NRXN3: variants seen among roughly 807,000 people sequenced by gnomAD.
NRXN3 encodes the protein neurexin III.
NRXN3 carries 32 observed loss-of-function variants against 137.6 expected under a neutral mutation model. The ratio of observed to expected loss-of-function variants is 0.23; its 90% CI spans 0.18 to 0.31. NRXN3 has a LOEUF of 0.31. Among genes scored for constraint, NRXN3 ranks in the 10% least tolerant of loss-of-function variants. The pLI, the probability that NRXN3 is intolerant of heterozygous loss-of-function variation, is 1.00. For missense variants in NRXN3, 1,574 were observed against 2,062.5 expected (o/e 0.76, Z 4.59); for synonymous variants, 798 against 784.5 (o/e 1.02, Z -0.29).
intron 19 of NRXN3, among the ~76,000 whole-genome samples, chr14:79,733,678 T>TG (rs35627020): frequency 0.31 from 46,311 of 147,700 alleles, 7,628 homozygotes; most frequent in Middle Eastern, 0.43. Context: ...GTTGTTGTTT[T>TG]TTTTTTTTTT....
At chr14:78,363,227 A>T (rs2153608027) in intron 4 of NRXN3, among the ~76,000 whole-genome samples, 1 of 151,868 alleles carries the variant, frequency 6.6e-6, no homozygotes, top group South Asian at 2.1e-4. Context: ...GTGAGCATCC[A>T]CTCTGCATGG....
chr14:78,556,457 T>G (rs1461716414), intron 4 of NRXN3, among the ~76,000 whole-genome samples: 8 of 152,242 alleles, frequency 5.3e-5, no homozygotes, highest in South Asian at 2.1e-4. Flanking sequence ...CTGGAGCTTC[T>G]TAAACTAGCC....
intron 15 of NRXN3, among the ~76,000 whole-genome samples, chr14:79,283,077 C>G (rs1251482039): frequency 6.6e-6 from 1 of 152,090 alleles, no homozygotes; most frequent in Non-Finnish European, 1.5e-5. Flanking sequence ...TTTCCTAGTC[C>G]AAGACAAAGA....
intron 15 of NRXN3, among the ~76,000 whole-genome samples, chr14:79,057,711 G>C (rs1387783560): frequency 3.3e-5 from 5 of 152,188 alleles, no homozygotes; most frequent in African/African-American, 1.2e-4. Context: ...TGACCTCTGA[G>C]AGGGCACTCT....
chr14:79,726,312 G>T (rs927460915), intron 19 of NRXN3, among the ~76,000 whole-genome samples: 5 of 152,144 alleles, frequency 3.3e-5, no homozygotes, highest in African/African-American at 1.2e-4. Context: ...AAGTATTAGT[G>T]TTGTTTCTCT....
chr14:79,250,453 C>G (rs1314615879), intron 15 of NRXN3, among the ~76,000 whole-genome samples: 1 of 152,180 alleles, frequency 6.6e-6, no homozygotes, highest in Non-Finnish European at 1.5e-5. Context: ...TTTATTGAGT[C>G]TCTATGATAT....
rs201631742 is a variant in NRXN3 at position 78,677,427 on chromosome 14, GA to G, written c.1221+26112del. On this transcript the variant is annotated intron_variant, in intron 6 of 20. Transcript: ENST00000335750. ...GTAACTGCAGATGTGGTGAAAATAG[GA>G]AAAAAAAAAACCCTGGAAGGAGAGC... is the stretch of plus-strand genomic sequence containing the variant. 1.5e-3 allele frequency among the ~76,000 whole-genome samples: 219 copies of G among 144,212 alleles called. 1 individual carries two copies. Among genetic ancestry groups the G allele is most frequent in the South Asian group, 6.4e-3 (29 of 4,552 alleles). The allele number at this position is 144,212 out of a possible 152,430, so 94.6% of individuals were successfully genotyped here. A position where few individuals can be genotyped will look rare whatever the true frequency, so the allele number is the denominator to read the frequency against.
intron 8 of NRXN3, among the ~76,000 whole-genome samples, chr14:78,725,822 A>G (rs1036103920): frequency 1.1e-4 from 16 of 152,230 alleles, no homozygotes; most frequent in African/African-American, 3.9e-4. Flanking sequence ...TGTAGAGTCT[A>G]TAGGAATATG....
chr14:79,729,739 G>A (rs2098914837), intron 19 of NRXN3, among the ~76,000 whole-genome samples: 1 of 152,136 alleles, frequency 6.6e-6, no homozygotes, highest in Admixed American at 6.6e-5. Context: ...GCACAGTGAT[G>A]GGCTCTGTGC....
At chr14:79,470,647 G>T (rs2096487815) in intron 16 of NRXN3, among the ~76,000 whole-genome samples, 1 of 152,054 alleles carries the variant, frequency 6.6e-6, no homozygotes, top group Admixed American at 6.6e-5. Context: ...TATATTCCAG[G>T]GATAAGGGAA....
At chr14:79,534,521 A>T (rs1601756409) in intron 16 of NRXN3, among the ~76,000 whole-genome samples, 1 of 152,336 alleles carries the variant, frequency 6.6e-6, no homozygotes, top group East Asian at 1.9e-4. Context: ...TAACACAAAG[A>T]TCAGAAATTT....
At chr14:79,036,590 T>C (rs2099616329) in intron 15 of NRXN3, among the ~76,000 whole-genome samples, 1 of 135,952 alleles carries the variant, frequency 7.4e-6, no homozygotes, top group Admixed American at 9.1e-5. Context: ...GTTTTCGTTT[T>C]GGGTTTTTTT....
chr14:78,174,605 G>A (rs993020238), intron 1 of NRXN3, among the ~76,000 whole-genome samples: 1 of 152,184 alleles, frequency 6.6e-6, no homozygotes, highest in African/African-American at 2.4e-5. Context: ...TCAAGCAGGA[G>A]GCTGCCTGCC....
intron 15 of NRXN3, among the ~76,000 whole-genome samples, chr14:79,395,241 G>A (rs923470096): frequency 1.4e-4 from 21 of 152,096 alleles, no homozygotes; most frequent in Non-Finnish European, 2.9e-5. Context: ...CATCTGGGTG[G>A]CAAAAGAAGT....
At chr14:78,622,520 C>T (rs918151953) in intron 4 of NRXN3, among the ~76,000 whole-genome samples, 2 of 152,202 alleles carry the variant, frequency 1.3e-5, no homozygotes, top group Non-Finnish European at 2.9e-5. Flanking sequence ...CTTCTCTCTT[C>T]TTCTGGTCCC....
intron 6 of NRXN3, among the ~76,000 whole-genome samples, chr14:78,665,733 T>A (rs961663845): frequency 4.6e-5 from 7 of 152,164 alleles, no homozygotes; most frequent in Admixed American, 1.3e-4. Context: ...AAAAAGGACC[T>A]AAAGCAAGGA....
At chr14:79,223,238 G>C (rs545216072) in intron 15 of NRXN3, among the ~76,000 whole-genome samples, 4,180 of 152,142 alleles carry the variant, frequency 0.027, 140 homozygotes, top group South Asian at 0.085. Flanking sequence ...AGAAGGACAG[G>C]CAGAAGCCAA....
intron 4 of NRXN3, among the ~76,000 whole-genome samples, chr14:78,308,202 C>A (rs958445757): frequency 2.0e-5 from 3 of 151,976 alleles, no homozygotes; most frequent in African/African-American, 7.2e-5. Flanking sequence ...ATGGAGCAGC[C>A]AATGCAGGGA....
chr14:78,891,460 G>C (rs542581713), intron 10 of NRXN3, among the ~76,000 whole-genome samples: 1 of 151,856 alleles, frequency 6.6e-6, no homozygotes, highest in South Asian at 2.1e-4. Context: ...TTAGGTGTGA[G>C]TAACGTCTAC....
Sources: gnomAD v4.1 joint callset for allele counts (sites outside exome capture counted in the v4.1 genomes callset) on GRCh38, gnomAD v4.1.1 for gene constraint, MANE v1.5 for transcripts, NCBI Gene and HGNC (gene_info 2026-07-23, HGNC 2026-07-21) for gene names.